ZNF850: variants seen among roughly 807,000 people sequenced by gnomAD.
ZNF850 encodes zinc finger protein 850, also known as putative zinc finger protein ENSP00000330994.
In ZNF850, 2 loss-of-function variants were observed where a neutral mutation model predicts 11.9. That is an observed-to-expected ratio of 0.17 (90% CI 0.07 to 0.53). ZNF850 has a LOEUF of 0.53. Among genes scored for constraint, ZNF850 ranks in the 20% least tolerant of loss-of-function variants. The pLI is 0.94. For missense variants in ZNF850, 1,014 were observed against 1,316.4 expected (o/e 0.77, Z 3.55); for synonymous variants, 381 against 443.0 (o/e 0.86, Z 1.76).
chr19:36,747,983 T>C lies in ZNF850; in HGVS notation c.3057A>G (p.Arg1019=), dbSNP rs748217068. 10 of 1,588,032 alleles carry C rather than the reference T, an allele frequency of 6.3e-6. No homozygotes were observed. Among genetic ancestry groups the C allele is most frequent in the African/African-American group, 2.7e-5 (2 of 74,242 alleles). Residue 1019 remains arginine (R), a synonymous_variant, in exon 5 of 5, where the codon AGA becomes AGG. Transcript: ENST00000591344. The part of the protein sequence containing the change: ...YDCKECGKAF[R]CPSQLSQHKR... ...TATGTTGACTAAGTTGTGAAGGACATCTAAAGGCCTTCCCACATTCCTTAC... is the reference window on the plus strand; with the variant it reads ...TATGTTGACTAAGTTGTGAAGGACACCTAAAGGCCTTCCCACATTCCTTAC...
chr19:36,765,510 G>T (rs866326269), intron 1 of ZNF850, among the ~76,000 whole-genome samples: 1 of 149,986 alleles, frequency 6.7e-6, no homozygotes, highest in South Asian at 2.1e-4. Flanking sequence ...AATGTTTTTC[G>T]TATTAAATCC....
intron 4 of ZNF850, among the ~76,000 whole-genome samples, chr19:36,760,323 T>A (rs933678914): frequency 6.6e-6 from 1 of 152,016 alleles, no homozygotes; most frequent in African/African-American, 2.4e-5. Context: ...GGCGCGTGCC[T>A]GTAATCTTAG....
chr19:36,763,946 A>G (rs1031606385), intron 1 of ZNF850, among the ~76,000 whole-genome samples: 20 of 151,624 alleles, frequency 1.3e-4, no homozygotes, highest in Admixed American at 5.3e-4. Flanking sequence ...TCAAACAAAC[A>G]AACAAACAAA....
At chr19:36,765,031 A>G (rs1005953293) in intron 1 of ZNF850, among the ~76,000 whole-genome samples, 1 of 152,030 alleles carries the variant, frequency 6.6e-6, no homozygotes. Context: ...TCATACTAGG[A>G]AAAAAACAAG....
At chr19:36,770,884 C>A (rs2081610690) in intron 1 of ZNF850, among the ~76,000 whole-genome samples, 1 of 152,090 alleles carries the variant, frequency 6.6e-6, no homozygotes. Context: ...CATTTACTCA[C>A]AGATGACTGG....
At chr19:36,758,944 G>A (rs1334239726) in intron 4 of ZNF850, among the ~76,000 whole-genome samples, 2 of 151,984 alleles carry the variant, frequency 1.3e-5, no homozygotes, top group Non-Finnish European at 2.9e-5. Context: ...TTAGCTGGGT[G>A]TGGTGGCACA....
At position 36,749,985 on chromosome 19, in the gene ZNF850, A is replaced by T; in HGVS notation, c.1055T>A (p.Leu352Gln). The T allele has an allele frequency of 6.4e-7, 1 of 1,558,384 alleles. No homozygotes were observed. ...CGKSFASGSA[L>Q]IRHQRIHTGE... ...AGTGTGAATTCGCTGATGTCGAATT[A>T]GTGCTGAGCCTGAAGCAAAAGATTT... is the stretch of plus-strand genomic sequence containing the variant. Residue 352 changes from leucine to glutamine, a missense_variant, in exon 5 of 5, where the codon CTA becomes CAA. Physicochemically the swap from Leu to Gln is moderately radical, Grantham distance 113 (BLOSUM62 -2). Around this residue, in one of 2 missense-constraint regions of ZNF850, gnomAD observed 835 missense variants for 1,022.0 expected, o/e 0.82. Transcript: ENST00000591344.
intron 1 of ZNF850, among the ~76,000 whole-genome samples, chr19:36,772,376 C>T (rs575228181): frequency 6.6e-4 from 100 of 152,300 alleles, no homozygotes; most frequent in Non-Finnish European, 1.1e-3. Flanking sequence ...ACTCTCCTCT[C>T]TCACATACAC....
intron 4 of ZNF850, 42 bp from the exon 5 acceptor site, chr19:36,750,846 T>C: frequency 6.9e-7 from 1 of 1,450,914 alleles, no homozygotes; most frequent in Admixed American, 2.8e-5. Flanking sequence ...ATTTCCTTGT[T>C]GAGTAGAAAT....
In ZNF850 at chr19:36,744,025, A is replaced by G. The variant is rs912370245; in HGVS notation, c.*3742T>C. 4 of 152,186 alleles carry G rather than the reference A, an allele frequency of 2.6e-5. No individual in the cohort carries two copies. Among genetic ancestry groups the G allele is most frequent in the African/African-American group, 9.7e-5 (4 of 41,414 alleles). The allele number at this position is 152,186 out of a possible 1,614,324, so 9.4% of individuals were successfully genotyped here. On this transcript the variant is annotated 3_prime_UTR_variant, in exon 5 of 5. Transcript: ENST00000591344. ...AAACCCTGTCTCTATTAAAAATACA[A>G]AATTAGCCGGGCGTGGTGGTGCATG...
At chr19:36,759,846 G>A (rs1051167121) in intron 4 of ZNF850, among the ~76,000 whole-genome samples, 2 of 152,248 alleles carry the variant, frequency 1.3e-5, no homozygotes, top group South Asian at 2.1e-4. Flanking sequence ...AAAACAAAAT[G>A]CCTTATCTTT....
At position 36,770,703 on chromosome 19, in the gene ZNF850, C is replaced by CAAAAAA. The variant is rs567709722; in HGVS notation, c.-70+2016_-70+2021dup. On this transcript the variant is annotated intron_variant, in intron 1 of 4. Transcript: ENST00000591344. ...TCTGGGCGACAGAGAGAGACTCCATCAAAAAAAAAAAAAAAAAAAAAAAAA... is the reference window on the plus strand; with the variant it reads ...TCTGGGCGACAGAGAGAGACTCCATCAAAAAAAAAAAAAAAAAAAAAAAAAAAAAAA... Among the ~76,000 whole-genome samples the CAAAAAA allele has an allele frequency of 5.6e-3, 374 of 66,482 alleles. 69 individuals are homozygous for CAAAAAA. The highest frequency in any genetic ancestry group is 7.8e-3 in the Non-Finnish European group (248 of 31,882). The allele number at this position is 66,482 out of a possible 152,430, so 43.6% of individuals were successfully genotyped here. A position where few individuals can be genotyped will look rare whatever the true frequency, so the allele number is the denominator to read the frequency against.
chr19:36,763,553 CACA>C (rs1600614739), intron 1 of ZNF850, among the ~76,000 whole-genome samples: 1 of 151,610 alleles, frequency 6.6e-6, no homozygotes, highest in East Asian at 2.0e-4. Flanking sequence ...TCAAAACAAA[CACA>C]ACAACAACAA....
chr19:36,765,660 C>T (rs2040544970), intron 1 of ZNF850, among the ~76,000 whole-genome samples: 2 of 149,136 alleles, frequency 1.3e-5, no homozygotes, highest in South Asian at 4.2e-4. Flanking sequence ...TCTCGGCTCA[C>T]TGCAACCTCC....
At chr19:36,762,703 A>G (rs2040526566) in intron 1 of ZNF850, 28 bp from the exon 2 acceptor site, 1 of 1,280,310 alleles carries the variant, frequency 7.8e-7, no homozygotes. Flanking sequence ...ACATTGATAT[A>G]TTATTTCCCA....
rs56769461 is a variant in ZNF850, at chr19:36,747,635, CAA to C, written c.*130_*131del. On this transcript the variant is annotated 3_prime_UTR_variant, in exon 5 of 5. Transcript: ENST00000591344. The stretch of plus-strand genomic sequence containing the variant: ...TGGGCGACAGAGCAAGACTCCGTCT[CAA>C]AAAAAAAAAAAAAAGTCGTAATTCT... The C allele has an allele frequency of 0.019, 13,755 of 739,170 alleles. No individual in the cohort carries two copies. The highest frequency in any genetic ancestry group is 0.028 in the South Asian group (1,025 of 36,826). The allele number at this position is 739,170 out of a possible 1,614,324, so 45.8% of individuals were successfully genotyped here.
chr19:36,772,129 TGGGCCTC>T (rs746337913), intron 1 of ZNF850, among the ~76,000 whole-genome samples: 1 of 152,192 alleles, frequency 6.6e-6, no homozygotes, highest in African/African-American at 2.4e-5. Context: ...GTTTCTATGT[TGGGCCTC>T]GGTCCCTTAT....
rs1159696150 is a variant in ZNF850 at position 36,743,616 on chromosome 19, G to A, written c.*4151C>T. ...TCCTTAGACAAAAACCAACAGTTTA[G>A]TACATAGTAATAGTAATCAATTACA... On this transcript the variant is annotated 3_prime_UTR_variant, in exon 5 of 5. Transcript: ENST00000591344. 7.9e-6 allele frequency: 1 copy of A among 127,088 alleles called. No individual in the cohort carries two copies. The highest frequency in any genetic ancestry group is 1.8e-5 in the Non-Finnish European group (1 of 55,038). The allele number at this position is 127,088 out of a possible 1,614,324, so 7.9% of individuals were successfully genotyped here.
At position 36,744,806 on chromosome 19, in the gene ZNF850, C is replaced by T. The variant is rs1245340911; in HGVS notation, c.*2961G>A. On this transcript the variant is annotated 3_prime_UTR_variant, in exon 5 of 5. Coordinates refer to ENST00000591344, the MANE Select transcript of ZNF850 (RefSeq NM_001193552.2). ...TTCCATAAATTGAGACAAACCTCAA[C>T]TGACTACAAATTGAGACAAAAGAAT... is the stretch of plus-strand genomic sequence containing the variant. The T allele has an allele frequency of 1.3e-5, 2 of 152,114 alleles. No homozygotes were observed. Among genetic ancestry groups the T allele is most frequent in the Non-Finnish European group, 1.5e-5 (1 of 68,030 alleles). 9.4% of individuals were successfully genotyped at this position (152,114 alleles called of 1,614,324 possible).
Sources: allele counts gnomAD v4.1 joint callset (sites outside exome capture counted in the v4.1 genomes callset), GRCh38; gene constraint gnomAD v4.1.1; regional missense constraint gnomAD v4.1.1; transcripts MANE v1.5; gene names NCBI Gene and HGNC (gene_info 2026-07-23, HGNC 2026-07-21).